The following ERCC6L2 variants were observed in gnomAD, a reference collection of about 807,000 sequenced individuals.
The protein encoded by ERCC6L2 is ERCC excision repair 6 like 2.
In ERCC6L2, 77 loss-of-function variants were observed where a neutral mutation model predicts 132.0. That is an observed-to-expected ratio of 0.58 (90% CI 0.49 to 0.71). The LOEUF (loss-of-function observed/expected upper bound fraction) is 0.71. ERCC6L2 is among the 30% of genes least tolerant of loss of function. The probability of loss-of-function intolerance (pLI) is 0.00; values close to 1 mark genes in which losing one functional copy is unlikely to be tolerated. For missense variants in ERCC6L2, 1,542 were observed against 1,837.6 expected, an observed-to-expected ratio of 0.84 and a Z score of 2.94; for synonymous variants, 583 against 632.4, an observed-to-expected ratio of 0.92 and a Z score of 1.17.
At chr9:95,940,823 C>T (rs961097632) in intron 11 of ERCC6L2, among the ~76,000 whole-genome samples, 1 of 152,008 alleles carries the variant, frequency 6.6e-6, no homozygotes, top group Non-Finnish European at 1.5e-5. Context: ...TGCCAATTTT[C>T]TCTCCAGGAG....
intron 2 of ERCC6L2, among the ~76,000 whole-genome samples, chr9:95,888,358 T>C (rs1284650222): frequency 6.6e-6 from 1 of 152,184 alleles, no homozygotes; most frequent in Non-Finnish European, 1.5e-5. Flanking sequence ...AAGGAATACA[T>C]GTAAAAACAG....
At chr9:96,033,467 G>A (rs1485983959) in intron 19 of ERCC6L2, among the ~76,000 whole-genome samples, 2 of 152,118 alleles carry the variant, frequency 1.3e-5, no homozygotes, top group South Asian at 2.1e-4. Context: ...GGCTGGTCTC[G>A]GACTCCTGAC....
At chr9:95,962,078 C>T (rs961991392) in intron 13 of ERCC6L2, among the ~76,000 whole-genome samples, 5 of 152,000 alleles carry the variant, frequency 3.3e-5, no homozygotes, top group Non-Finnish European at 7.4e-5. Context: ...GTATCACCTA[C>T]AAACCAATGA....
chr9:95,897,534 G>A (rs1402409800), intron 2 of ERCC6L2, among the ~76,000 whole-genome samples: 1 of 152,090 alleles, frequency 6.6e-6, no homozygotes, highest in African/African-American at 2.4e-5. Context: ...TAGAGGATAC[G>A]AAGAGATAGT....
intron 13 of ERCC6L2, among the ~76,000 whole-genome samples, chr9:95,962,134 C>T (rs1006741567): frequency 6.6e-6 from 1 of 152,068 alleles, no homozygotes; most frequent in Non-Finnish European, 1.5e-5. Context: ...AAGTGGTTAA[C>T]ACATGTGAAA....
chr9:95,972,251 G>A lies in ERCC6L2; in HGVS notation c.2500G>A (p.Ala834Thr), dbSNP rs1245579949. 7.7e-7 allele frequency: 1 copy of A among 1,304,096 alleles called. No individual in the cohort carries two copies. Among genetic ancestry groups the A allele is most frequent in the Middle Eastern group, 2.1e-4 (1 of 4,694 alleles). The allele number at this position is 1,304,096 out of a possible 1,614,324, so 80.8% of individuals were successfully genotyped here. Residue 834 changes from alanine (A) to threonine (T), a missense_variant, in exon 16 of 19, where the codon GCT (alanine) becomes ACT (threonine). By Grantham distance (58) the Ala-to-Thr change is moderately conservative. Transcript: ENST00000653738. ...PTCLSTEAKD[A>T]GCEKNQDSLG... ...ATGCCTTTCAACAGAAGCCAAAGAT[G>A]CTGGTTGTGAGAAAAATCAGGACTC...
intron 18 of ERCC6L2, among the ~76,000 whole-genome samples, chr9:96,006,454 C>T (rs774862809): frequency 3.9e-5 from 6 of 152,184 alleles, no homozygotes; most frequent in Non-Finnish European, 7.3e-5. Context: ...CAGGCCCTGG[C>T]GGGAGGTGGC....
chr9:95,884,519 T>C (rs1827764262), intron 2 of ERCC6L2, among the ~76,000 whole-genome samples: 1 of 151,674 alleles, frequency 6.6e-6, no homozygotes, highest in African/African-American at 2.4e-5. Context: ...CTTGATTTCA[T>C]CCCTTTAGTT....
intron 11 of ERCC6L2, among the ~76,000 whole-genome samples, chr9:95,930,248 T>C (rs959731179): frequency 6.6e-6 from 1 of 152,136 alleles, no homozygotes; most frequent in Non-Finnish European, 1.5e-5. Flanking sequence ...GTGGTTTTGC[T>C]TTGGCTTCTG....
chr9:96,011,971 T>C (rs1834040731), intron 18 of ERCC6L2, among the ~76,000 whole-genome samples: 1 of 152,206 alleles, frequency 6.6e-6, no homozygotes, highest in South Asian at 2.1e-4. Flanking sequence ...AGGAAATACC[T>C]AATATAATAG....
intron 17 of ERCC6L2, among the ~76,000 whole-genome samples, chr9:95,988,247 C>T (rs1018570792): frequency 3.3e-5 from 5 of 152,170 alleles, no homozygotes; most frequent in African/African-American, 1.2e-4. Context: ...GGTGAGTTGG[C>T]ATTAGATAAG....
chr9:95,929,365 C>T (rs1419437551), intron 11 of ERCC6L2, among the ~76,000 whole-genome samples: 2 of 152,168 alleles, frequency 1.3e-5, no homozygotes, highest in Non-Finnish European at 2.9e-5. Flanking sequence ...ATGAATATCC[C>T]TTTAAGACCT....
chr9:95,966,446 C>T, intron 13 of ERCC6L2, 116 bp from the exon 14 acceptor site: 1 of 933,838 alleles, frequency 1.1e-6, no homozygotes. Context: ...AATTTCCTCC[C>T]TAAGGAGATT....
chr9:95,981,655 G>A (rs1832898561), intron 17 of ERCC6L2, among the ~76,000 whole-genome samples: 2 of 152,184 alleles, frequency 1.3e-5, no homozygotes, highest in Non-Finnish European at 2.9e-5. Context: ...AGGCGAAAAA[G>A]AAGTGTTTTA....
chr9:95,954,858 T>G, intron 12 of ERCC6L2: 1 of 471,122 alleles, frequency 2.1e-6, no homozygotes, highest in Non-Finnish European at 4.4e-6. Flanking sequence ...CATTTCCTGC[T>G]GGAGATGTGA....
intron 17 of ERCC6L2, among the ~76,000 whole-genome samples, chr9:95,978,777 T>G (rs781417948): frequency 3.9e-5 from 6 of 152,180 alleles, no homozygotes; most frequent in Non-Finnish European, 8.8e-5. Context: ...TGTGTTTGGC[T>G]TATTATTCTT....
chr9:95,988,381 T>C (rs528880935), intron 17 of ERCC6L2, among the ~76,000 whole-genome samples: 1 of 152,334 alleles, frequency 6.6e-6, no homozygotes, highest in East Asian at 1.9e-4. Flanking sequence ...TGATGTTTTA[T>C]TTTGGAGACG....
chr9:95,969,298 T>G lies in ERCC6L2; in HGVS notation c.2101-1278T>G, dbSNP rs142719827. Among the ~76,000 whole-genome samples the G allele has an allele frequency of 4.2e-3, 642 of 152,322 alleles. 15 individuals are homozygous for G. The highest frequency in any genetic ancestry group is 0.014 in the East Asian group (71 of 5,190). On this transcript the variant is annotated intron_variant, in intron 14 of 18. Transcript: ENST00000653738. ...TAGTCTGATTTATATTAGCTTGACT[T>G]ACTATTGAAAACTAGACTATAGAAG...
intron 17 of ERCC6L2, among the ~76,000 whole-genome samples, chr9:95,985,925 C>G (rs1473813993): frequency 2.0e-5 from 3 of 152,212 alleles, no homozygotes; most frequent in Non-Finnish European, 2.9e-5. Flanking sequence ...GATGAACAAA[C>G]AGGCTCTTCT....
Sources: gnomAD v4.1 joint callset for allele counts (sites outside exome capture counted in the v4.1 genomes callset) on GRCh38, gnomAD v4.1.1 for gene constraint, MANE v1.5 for transcripts, NCBI Gene and HGNC (gene_info 2026-07-23, HGNC 2026-07-21) for gene names.